ZBTB1: variants seen among roughly 807,000 people sequenced by gnomAD.
The protein encoded by ZBTB1 is zinc finger and BTB domain containing 1.
ZBTB1 carries 13 observed loss-of-function variants against 51.6 expected under a neutral mutation model. That is an observed-to-expected ratio of 0.25 (90% CI 0.16 to 0.40). ZBTB1 has a LOEUF of 0.40. ZBTB1 is among the 10% of genes least tolerant of loss of function. ZBTB1 has a pLI of 1.00. For synonymous variants in ZBTB1, 240 were observed against 282.2 expected, an observed-to-expected ratio of 0.85 and a Z score of 1.50; for missense variants, 567 against 856.5, an observed-to-expected ratio of 0.66 and a Z score of 4.22.
At chr14:64,509,119 C>G (rs948754545) in intron 1 of ZBTB1, among the ~76,000 whole-genome samples, 2 of 152,212 alleles carry the variant, frequency 1.3e-5, no homozygotes, top group African/African-American at 4.8e-5. Context: ...CCTGTAATCC[C>G]AGCACCTTGG....
At chr14:64,508,203 ATAC>A (rs2079687446) in intron 1 of ZBTB1, among the ~76,000 whole-genome samples, 1 of 152,238 alleles carries the variant, frequency 6.6e-6, no homozygotes, top group Non-Finnish European at 1.5e-5. Context: ...GGTGGTTTTT[ATAC>A]TACTCTGTCT....
intron 1 of ZBTB1, among the ~76,000 whole-genome samples, chr14:64,511,639 G>A (rs2140100911): frequency 6.6e-6 from 1 of 152,284 alleles, no homozygotes; most frequent in South Asian, 2.1e-4. Context: ...ATGAGTTTTT[G>A]TCTAATTTCA....
downstream of ZBTB1, among the ~76,000 whole-genome samples, chr14:64,526,153 G>C (rs2079902438): frequency 6.6e-6 from 1 of 152,134 alleles, no homozygotes; most frequent in Non-Finnish European, 1.5e-5. Context: ...ATGTTACACA[G>C]AACATACCTT....
In ZBTB1 at chr14:64,524,090, T is replaced by G. The variant is rs1485746310; in HGVS notation, c.*444T>G. Reference sequence around the variant, plus strand: ...AGTAATTATTTGAAACTATCCCGTTTGCTTTTAGTGAGTTAACTACTCTTT... The same window carrying G: ...AGTAATTATTTGAAACTATCCCGTTGGCTTTTAGTGAGTTAACTACTCTTT... On this transcript the variant is annotated 3_prime_UTR_variant, in exon 2 of 2. Coordinates refer to ENST00000683701, the MANE Select transcript of ZBTB1 (RefSeq NM_001123329.2). 1 of 984,496 alleles carries G rather than the reference T, an allele frequency of 1.0e-6. No homozygotes were observed. The highest frequency in any genetic ancestry group is 1.7e-5 in the African/African-American group (1 of 57,174). The allele number at this position is 984,496 out of a possible 1,614,324, so 61.0% of individuals were successfully genotyped here. A position where few individuals can be genotyped will look rare whatever the true frequency, so the allele number is the denominator to read the frequency against.
chr14:64,515,642 T>A (rs2079774507), intron 1 of ZBTB1, among the ~76,000 whole-genome samples: 1 of 151,332 alleles, frequency 6.6e-6, no homozygotes, highest in Admixed American at 6.6e-5. Flanking sequence ...CGCCTCAGCC[T>A]CCCAAGTAGC....
chr14:64,507,673 AT>A (rs1186224363), intron 1 of ZBTB1, among the ~76,000 whole-genome samples: 1 of 152,292 alleles, frequency 6.6e-6, no homozygotes, highest in East Asian at 1.9e-4. Flanking sequence ...ATTTAAAATT[AT>A]TTGATTAACT....
intron 2 of ZBTB1, among the ~76,000 whole-genome samples, chr14:64,530,436 T>C (rs768141761): frequency 2.6e-5 from 4 of 151,846 alleles, no homozygotes; most frequent in Non-Finnish European, 5.9e-5. Context: ...TGATGAAACC[T>C]CTCTACTAAA....
rs765574760 is a variant in ZBTB1 at position 64,522,023 on chromosome 14, A to G, written c.519A>G (p.Arg173=). Residue 173 remains arginine, a synonymous_variant, in exon 2 of 2, where the codon AGA becomes AGG. Coordinates refer to ENST00000683701, the MANE Select transcript of ZBTB1 (RefSeq NM_001123329.2). ...CAACGGTAAATACACCACATAATAG[A>G]GAGGCTGATGAAGAGTCTTTACAAT... ...PSSTVNTPHN[R]EADEESLQLG... is the part of the protein sequence containing the mutation. 6.2e-7 allele frequency: 1 copy of G among 1,614,228 alleles called. No individual in the cohort carries two copies. The highest frequency in any genetic ancestry group is 8.5e-7 in the Non-Finnish European group (1 of 1,180,036).
At position 64,522,658 on chromosome 14, in the gene ZBTB1, G is replaced by A. The variant is rs765928275; in HGVS notation, c.1154G>A (p.Arg385Lys). The change falls in exon 2 of 2, where the codon AGG becomes AAG. Residue 385 changes from arginine to lysine, a missense_variant. By Grantham distance (26) the Arg-to-Lys change is conservative (BLOSUM62 2). Coordinates refer to ENST00000683701, the MANE Select transcript of ZBTB1 (RefSeq NM_001123329.2). The part of the protein sequence containing the change: ...EEDVSIKKSG[R>K]KTLKPRMSVS... ...GATGTCAGCATAAAAAAAAGTGGTA[G>A]GAAAACTCTAAAACCTCGAATGTCA... The A allele has an allele frequency of 1.2e-6, 2 of 1,614,132 alleles. No individual in the cohort carries two copies. The highest frequency in any genetic ancestry group is 4.5e-5 in the East Asian group (2 of 44,890).
In ZBTB1 at chr14:64,523,272, C is replaced by T; in HGVS notation, c.1768C>T (p.Arg590Trp). The T allele has an allele frequency of 1.2e-6, 2 of 1,614,086 alleles. No individual in the cohort carries two copies. Among genetic ancestry groups the T allele is most frequent in the Non-Finnish European group, 8.5e-7 (1 of 1,179,974 alleles). Residue 590 changes from arginine (R) to tryptophan (W), a missense_variant, in exon 2 of 2, where the codon CGG becomes TGG. Arg to Trp is a moderately radical substitution (Grantham distance 101). Transcript: ENST00000683701. The surrounding 1 kb of genome is among the most constrained non-coding windows in gnomAD (Gnocchi z 4.5). ...TCTGTGTGGAAAAGGATTTTATCAG[C>T]GGTGTCACTTAAGAGAACACTATAC... is the stretch of plus-strand genomic sequence containing the variant. The part of the protein sequence containing the change: ...CNLCGKGFYQ[R>W]CHLREHYTVH...
intron 1 of ZBTB1, among the ~76,000 whole-genome samples, chr14:64,519,224 C>T (rs1286826312): frequency 6.6e-6 from 1 of 150,398 alleles, no homozygotes; most frequent in Non-Finnish European, 1.5e-5. Context: ...TCTCTGCTCC[C>T]TGCAACCTCC....
chr14:64,522,585 T>C lies in ZBTB1; in HGVS notation c.1081T>C (p.Leu361=). The part of the protein sequence containing the change: ...DCNESTDNDE[L]EDEPEEPFYR... ...TAATGAATCCACTGACAATGATGAA[T>C]TAGAAGATGAACCTGAAGAGCCATT... The change falls in exon 2 of 2, where the codon TTA becomes CTA. Residue 361 remains leucine, a synonymous_variant. Coordinates refer to ENST00000683701, the MANE Select transcript of ZBTB1 (RefSeq NM_001123329.2). The C allele has an allele frequency of 6.2e-7, 1 of 1,613,818 alleles. No homozygotes were observed. The highest frequency in any genetic ancestry group is 1.1e-5 in the South Asian group (1 of 91,022).
intron 1 of ZBTB1, among the ~76,000 whole-genome samples, chr14:64,509,199 G>C (rs987295028): frequency 2.0e-5 from 3 of 152,148 alleles, no homozygotes; most frequent in African/African-American, 7.2e-5. Context: ...GCGAAACCCT[G>C]TCTCTACAAA....
In ZBTB1 at chr14:64,524,866, G is replaced by A. The variant is rs947375361; in HGVS notation, c.*1220G>A. On this transcript the variant is annotated 3_prime_UTR_variant, in exon 2 of 2. Transcript: ENST00000683701. ...AGTTAAAGTAGTAGTATTGTTAGTT[G>A]TTGCTGACACAGGGTCTACATAATT... 1.0e-6 allele frequency: 1 copy of A among 985,246 alleles called. No individual in the cohort carries two copies. The highest frequency in any genetic ancestry group is 1.7e-5 in the African/African-American group (1 of 57,308). The allele number at this position is 985,246 out of a possible 1,614,324, so 61.0% of individuals were successfully genotyped here.
chr14:64,531,769 A>T, intron 2 of ZBTB1: 2 of 1,535,686 alleles, frequency 1.3e-6, no homozygotes, highest in Middle Eastern at 1.9e-4. Context: ...GCCAAAGCCA[A>T]GAAATTCTGA....
At chr14:64,529,703 C>T (rs1202528161), downstream of ZBTB1, among the ~76,000 whole-genome samples, 26 of 152,092 alleles carry the variant, frequency 1.7e-4, no homozygotes, top group Admixed American at 1.7e-3. Flanking sequence ...CCTGAGAGGT[C>T]AAGGCTGCAG....
chr14:64,515,048 C>T (rs1013104682), intron 1 of ZBTB1, among the ~76,000 whole-genome samples: 33 of 152,124 alleles, frequency 2.2e-4, no homozygotes, highest in African/African-American at 2.2e-4. Context: ...TGAGATGAGC[C>T]GTTAAACTTT....
downstream of ZBTB1, among the ~76,000 whole-genome samples, chr14:64,528,476 CAT>C (rs1309728816): frequency 1.3e-5 from 2 of 151,534 alleles, no homozygotes; most frequent in Admixed American, 1.3e-4. Flanking sequence ...GACATCCTAG[CAT>C]CAACAACTTC....
chr14:64,516,446 TTG>T (rs1346199350), intron 1 of ZBTB1, among the ~76,000 whole-genome samples: 2 of 152,222 alleles, frequency 1.3e-5, no homozygotes, highest in Admixed American at 6.5e-5. Context: ...CTAAAAACTG[TTG>T]TGTTAGGATT....
Sources: gnomAD v4.1 joint callset for allele counts (sites outside exome capture counted in the v4.1 genomes callset) on GRCh38, gnomAD v4.1.1 for gene constraint, Gnocchi (gnomAD v3.1) non-coding constraint, MANE v1.5 for transcripts, NCBI Gene and HGNC (gene_info 2026-07-23, HGNC 2026-07-21) for gene names.